The following SKAP1 variants were observed in gnomAD, a reference collection of about 807,000 sequenced individuals.
SKAP1 encodes src kinase-associated phosphoprotein 1.
SKAP1 carries 44 observed loss-of-function variants against 58.5 expected under a neutral mutation model. That is an observed-to-expected ratio of 0.75 (90% confidence interval 0.59 to 0.97). SKAP1 has a LOEUF of 0.97. Among genes scored for constraint, SKAP1 ranks in the 50% least tolerant of loss-of-function variants. SKAP1 has a pLI of 0.00. For synonymous variants in SKAP1, 127 were observed against 149.7 expected (o/e 0.85, Z 1.11); for missense variants, 390 against 435.2 (o/e 0.90, Z 0.92).
Position 48,184,724 on chromosome 17 carries a change from T to C in SKAP1, c.566A>G (p.Glu189Gly), listed in dbSNP as rs1289590687. 1.2e-6 allele frequency: 2 copies of C among 1,613,982 alleles called. No homozygotes were observed. Among genetic ancestry groups the C allele is most frequent in the Non-Finnish European group, 1.7e-6 (2 of 1,179,920 alleles). Residue 189 changes from glutamate to glycine, a missense_variant and splice_region_variant, in exon 7 of 13, where the codon GAG becomes GGG. By Grantham distance (98) the Glu-to-Gly change is moderately conservative. Coordinates refer to ENST00000336915, the MANE Select transcript of SKAP1 (RefSeq NM_003726.4). ...CACCATCTCCTTGATGCGTCCTACC[T>C]CATAGCTGCGCCTATCCTGGGAGGT... ...ELTSQDRRSY[E>G]FTATSPAEAR...
At chr17:48,242,447 C>T (rs1311199258) in intron 4 of SKAP1, among the ~76,000 whole-genome samples, 1 of 152,192 alleles carries the variant, frequency 6.6e-6, no homozygotes, top group African/African-American at 2.4e-5. Flanking sequence ...AATGGTCTAA[C>T]ACAGCAACAC....
chr17:48,236,975 A>G (rs1028118244), intron 4 of SKAP1, among the ~76,000 whole-genome samples: 16 of 152,218 alleles, frequency 1.1e-4, no homozygotes, highest in African/African-American at 3.9e-4. Context: ...AGAGGTAGGT[A>G]CTACCATTAT....
chr17:48,135,037 A>T (rs992576714), intron 12 of SKAP1, among the ~76,000 whole-genome samples: 8 of 152,176 alleles, frequency 5.3e-5, no homozygotes, highest in Admixed American at 2.6e-4. Flanking sequence ...GAAAAATTCC[A>T]ACCCTCTATA....
intron 2 of SKAP1, among the ~76,000 whole-genome samples, chr17:48,384,486 T>C (rs1273138335): frequency 6.6e-6 from 1 of 151,852 alleles, no homozygotes; most frequent in African/African-American, 2.4e-5. Flanking sequence ...GATTCTAGAG[T>C]TGTGCAGGGC....
chr17:48,177,597 T>C (rs536244553), intron 9 of SKAP1, among the ~76,000 whole-genome samples: 1 of 152,008 alleles, frequency 6.6e-6, no homozygotes, highest in East Asian at 1.9e-4. Flanking sequence ...GATGGTCTTA[T>C]GAGAGGGCAG....
At chr17:48,222,091 T>C (rs1464247390) in intron 4 of SKAP1, among the ~76,000 whole-genome samples, 2 of 152,128 alleles carry the variant, frequency 1.3e-5, no homozygotes, top group Non-Finnish European at 2.9e-5. Context: ...AAGGGGTAAC[T>C]TGGAACTCTT....
intron 4 of SKAP1, among the ~76,000 whole-genome samples, chr17:48,295,021 A>AT (rs1231080874): frequency 6.6e-6 from 1 of 152,174 alleles, no homozygotes; most frequent in Non-Finnish European, 1.5e-5. Context: ...GGTACTGCTT[A>AT]TTTTTTCCCA....
At chr17:48,216,682 G>C (rs1469720721) in intron 4 of SKAP1, among the ~76,000 whole-genome samples, 2 of 152,014 alleles carry the variant, frequency 1.3e-5, no homozygotes, top group Admixed American at 6.6e-5. Flanking sequence ...TGTAGAGACA[G>C]GGTTTCGCCA....
chr17:48,398,255 A>G (rs1162894711), intron 1 of SKAP1, among the ~76,000 whole-genome samples: 2 of 152,152 alleles, frequency 1.3e-5, no homozygotes, highest in Admixed American at 6.5e-5. Context: ...CAGTGGCAGC[A>G]TTAGATCCTT....
At chr17:48,250,045 C>G (rs941510126) in intron 4 of SKAP1, among the ~76,000 whole-genome samples, 5 of 151,596 alleles carry the variant, frequency 3.3e-5, no homozygotes, top group Admixed American at 2.0e-4. Flanking sequence ...ATTAAAATAT[C>G]TCCTGCCTTT....
chr17:48,431,456 A>G (rs1199761520), upstream of SKAP1, among the ~76,000 whole-genome samples: 1 of 152,248 alleles, frequency 6.6e-6, no homozygotes, highest in Non-Finnish European at 1.5e-5. Flanking sequence ...GTAAAGAAAG[A>G]TGGAAGAGCC....
At chr17:48,239,829 TGAGAGAGAGAGAGAGAGAGACAGAGAGA>T (rs1293280812) in intron 4 of SKAP1, among the ~76,000 whole-genome samples, 3 of 138,728 alleles carry the variant, frequency 2.2e-5, no homozygotes, top group Non-Finnish European at 4.6e-5. Context: ...GTAATTAGAA[TGAGAGAGAGAGAGAGAGAGACAGAGAGA>T]GAGAGAGAGA....
At chr17:48,405,474 CCTT>C (rs2067568562) in intron 1 of SKAP1, among the ~76,000 whole-genome samples, 4 of 126,586 alleles carry the variant, frequency 3.2e-5, no homozygotes, top group Middle Eastern at 4.1e-3. Context: ...TTCCTTCCTT[CCTT>C]CTTTCTTTTC....
chr17:48,426,243 T>C (rs984897620), intron 1 of SKAP1, among the ~76,000 whole-genome samples: 3 of 152,232 alleles, frequency 2.0e-5, no homozygotes, highest in African/African-American at 7.2e-5. Flanking sequence ...AATAAATAAC[T>C]ATAGGCATAT....
At chr17:48,394,420 C>T (rs748320286) in intron 2 of SKAP1, among the ~76,000 whole-genome samples, 5 of 151,932 alleles carry the variant, frequency 3.3e-5, no homozygotes, top group Non-Finnish European at 7.4e-5. Context: ...TGGCCCACTG[C>T]AGCCTCAACC....
intron 11 of SKAP1, among the ~76,000 whole-genome samples, chr17:48,143,821 T>TC (rs1376816680): frequency 2.0e-5 from 3 of 152,152 alleles, no homozygotes; most frequent in African/African-American, 7.2e-5. Context: ...AGGCATTTGC[T>TC]CCCCGGGGGT....
At chr17:48,423,913 C>T (rs988599259) in intron 1 of SKAP1, among the ~76,000 whole-genome samples, 1 of 152,062 alleles carries the variant, frequency 6.6e-6, no homozygotes, top group Non-Finnish European at 1.5e-5. Context: ...TGAGCCACCA[C>T]GCCTGGCCCG....
intron 4 of SKAP1, among the ~76,000 whole-genome samples, chr17:48,192,654 A>G (rs1285184229): frequency 6.6e-6 from 1 of 152,090 alleles, no homozygotes; most frequent in Non-Finnish European, 1.5e-5. Flanking sequence ...TCAGAGAGAG[A>G]GCTTGAATTG....
At chr17:48,352,353 C>G (rs559102693) in intron 3 of SKAP1, among the ~76,000 whole-genome samples, 1 of 152,238 alleles carries the variant, frequency 6.6e-6, no homozygotes, top group Non-Finnish European at 1.5e-5. Context: ...TAAAATGGAA[C>G]CTGCTGAGTG....
Sources: allele counts gnomAD v4.1 joint callset (sites outside exome capture counted in the v4.1 genomes callset), GRCh38; gene constraint gnomAD v4.1.1; transcripts MANE v1.5; gene names NCBI Gene and HGNC (gene_info 2026-07-23, HGNC 2026-07-21).